ELMOD3: variants seen among roughly 807,000 people sequenced by gnomAD.
ELMOD3 encodes the protein ELMO domain containing 3, also known as ELMO domain-containing protein 3.
ELMOD3 carries 36 observed loss-of-function variants against 47.4 expected under a neutral mutation model. The ratio of observed to expected loss-of-function variants is 0.76; its 90% CI spans 0.58 to 1.00. ELMOD3 has a LOEUF of 1.00. Ranked by LOEUF, ELMOD3 falls within the 50% of genes least tolerant of loss-of-function variation. The probability of loss-of-function intolerance (pLI) is 0.00; values close to 1 mark genes in which losing one functional copy is unlikely to be tolerated. For missense variants in ELMOD3, 404 were observed against 463.8 expected (o/e 0.87, Z 1.18); for synonymous variants, 149 against 183.5 (o/e 0.81, Z 1.52).
intron 6 of ELMOD3, among the ~76,000 whole-genome samples, chr2:85,364,444 C>G (rs1172846210): frequency 1.3e-5 from 2 of 151,748 alleles, no homozygotes; most frequent in Admixed American, 6.6e-5. Flanking sequence ...ATTAGCTGGG[C>G]ATGGTGGTGC....
chr2:85,361,615 C>A (rs1343156118), intron 4 of ELMOD3, among the ~76,000 whole-genome samples: 2 of 152,136 alleles, frequency 1.3e-5, no homozygotes, highest in Non-Finnish European at 2.9e-5. Context: ...AAGGGAACAA[C>A]ACACACTGGG....
intron 11 of ELMOD3, 45 bp downstream of exon 11, chr2:85,377,519 G>T: frequency 3.8e-6 from 6 of 1,571,708 alleles, no homozygotes; most frequent in Non-Finnish European, 5.2e-6. Context: ...GGGCCGTGGA[G>T]CTAGGACCTG....
chr2:85,382,178 G>A (rs1428409613), intron 11 of ELMOD3, among the ~76,000 whole-genome samples: 2 of 140,028 alleles, frequency 1.4e-5, no homozygotes, highest in African/African-American at 5.4e-5. Flanking sequence ...AGCGGCTCAT[G>A]AGTGTAATCC....
intron 11 of ELMOD3, among the ~76,000 whole-genome samples, chr2:85,379,439 T>C (rs1685401186): frequency 6.6e-6 from 1 of 152,126 alleles, no homozygotes. Flanking sequence ...GCTCCAGACC[T>C]CGTGATCTGC....
intron 13 of ELMOD3, 195 bp from the exon 14 acceptor site, chr2:85,390,565 A>T: frequency 6.4e-7 from 1 of 1,558,476 alleles, no homozygotes; most frequent in Non-Finnish European, 8.7e-7. Flanking sequence ...GACAAGGTAG[A>T]GTGTGTGGTC....
At chr2:85,384,031 G>T (rs191370249) in intron 11 of ELMOD3, among the ~76,000 whole-genome samples, 1 of 152,226 alleles carries the variant, frequency 6.6e-6, no homozygotes, top group African/African-American at 2.4e-5. Flanking sequence ...GGAAGCAAAA[G>T]CGGGATGACT....
chr2:85,390,634 C>T, intron 13 of ELMOD3, 126 bp from the exon 14 acceptor site: 1 of 1,492,552 alleles, frequency 6.7e-7, no homozygotes, highest in Non-Finnish European at 8.9e-7. Context: ...ATCTGAGGCT[C>T]CTTCACTTTC....
Position 85,391,067 on chromosome 2 carries a change from C to A in ELMOD3, c.*105C>A. 1 of 1,144,960 alleles carries A rather than the reference C, an allele frequency of 8.7e-7. No homozygotes were observed. Among genetic ancestry groups the A allele is most frequent in the Non-Finnish European group, 1.2e-6 (1 of 810,864 alleles). 70.9% of individuals were successfully genotyped at this position (1,144,960 alleles called of 1,614,324 possible). On this transcript the variant is annotated 3_prime_UTR_variant, in exon 14 of 14. Transcript: ENST00000409013. ...CAGGCCGCACCCCTTGCTGTCTCAGCAGATGGGATATAGGAAGCTCCTGGG... is the reference window on the plus strand; with the variant it reads ...CAGGCCGCACCCCTTGCTGTCTCAGAAGATGGGATATAGGAAGCTCCTGGG...
At chr2:85,364,825 A>ATATATATATATATATATT (rs375582916) in intron 6 of ELMOD3, among the ~76,000 whole-genome samples, 1 of 69,892 alleles carries the variant, frequency 1.4e-5, no homozygotes, top group Non-Finnish European at 2.5e-5. Flanking sequence ...ATATATATAT[A>ATATATATATATATATATT]TTTTTTTTTT....
rs373496479 is a variant in ELMOD3, at chr2:85,368,679, A to G, written c.200-7A>G. 14 of 1,613,794 alleles carry G rather than the reference A, an allele frequency of 8.7e-6. No individual in the cohort carries two copies. The highest frequency in any genetic ancestry group is 1.1e-5 in the Non-Finnish European group (13 of 1,179,936). On this transcript the variant is annotated splice_polypyrimidine_tract_variant and splice_region_variant and intron_variant, in intron 6 of 13. Coordinates refer to ENST00000409013, the MANE Select transcript of ELMOD3 (RefSeq NM_001135022.2). ...TCAGAGGGTCTCCTTTTCTCCTACT[A>G]TTGCAGTTGTGAGTACAGAGGTGGT...
chr2:85,391,128 G>T lies in ELMOD3; in HGVS notation c.*166G>T, dbSNP rs3731830. 2.3e-4 allele frequency: 147 copies of T among 645,850 alleles called. No homozygotes were observed. The East Asian group carries it at 4.0e-3, about 18-fold the overall frequency. 40.0% of individuals were successfully genotyped at this position (645,850 alleles called of 1,614,324 possible). On this transcript the variant is annotated 3_prime_UTR_variant, in exon 14 of 14. Coordinates refer to ENST00000409013, the MANE Select transcript of ELMOD3 (RefSeq NM_001135022.2). The stretch of plus-strand genomic sequence containing the variant: ...GGAAGCCAAGTACCCTCACCGGCAT[G>T]GGACATGAGGGGCAGCTAGACTTCA...
At chr2:85,358,208 G>T (rs1391967597) in intron 4 of ELMOD3, among the ~76,000 whole-genome samples, 1 of 151,500 alleles carries the variant, frequency 6.6e-6, no homozygotes, top group Non-Finnish European at 1.5e-5. Context: ...GAACCCAGGA[G>T]GCGGAGGTTG....
At chr2:85,387,226 G>C in intron 11 of ELMOD3, 4 of 1,176,788 alleles carry the variant, frequency 3.4e-6, no homozygotes, top group Non-Finnish European at 3.2e-6. Flanking sequence ...CCATGTTGAG[G>C]CAAGTATAAT....
rs752504989 is a variant in ELMOD3, at chr2:85,371,441, T to C, written c.486T>C (p.Cys162=). The change falls in exon 10 of 14, where the codon TGT becomes TGC. Residue 162 remains cysteine, a splice_region_variant and synonymous_variant. Transcript: ENST00000409013. ...ERDLVLTIAQ[C]GLDSQDPVHG... The stretch of plus-strand genomic sequence containing the variant: ...GAGTGTGGGTGTGTTTTGGGGCAGG[T>C]GGCCTGGATAGCCAAGACCCAGTGC... 1.9e-6 allele frequency: 3 copies of C among 1,613,938 alleles called. No homozygotes were observed. Among genetic ancestry groups the C allele is most frequent in the Non-Finnish European group, 2.5e-6 (3 of 1,180,010 alleles).
chr2:85,370,933 T>C lies in ELMOD3; in HGVS notation c.361-153T>C, dbSNP rs72840081. On this transcript the variant is annotated intron_variant, in intron 8 of 13. Transcript: ENST00000409013. ...GGCTCTAGAGACTCAACAGGTGCCT[T>C]GCAGCTTCTGCCTCCTTCCCTTGGC... is the stretch of plus-strand genomic sequence containing the variant. Among the ~76,000 whole-genome samples the C allele has an allele frequency of 0.097, 14,783 of 152,326 alleles. 769 individuals carry two copies. The highest frequency in any genetic ancestry group is 0.16 in the South Asian group (778 of 4,834).
chr2:85,377,677 A>C lies in ELMOD3; in HGVS notation c.738+203A>C, dbSNP rs553052310. On this transcript the variant is annotated intron_variant, in intron 11 of 13. Coordinates refer to ENST00000409013, the MANE Select transcript of ELMOD3 (RefSeq NM_001135022.2). The stretch of plus-strand genomic sequence containing the variant: ...GACTCCTCAGAGCCTTGATTCCCTC[A>C]TCTGCAGAATGGAAATCATAGTGTT... Among the ~76,000 whole-genome samples the C allele has an allele frequency of 5.9e-5, 9 of 152,364 alleles. 1 individual carries two copies. In the South Asian group the frequency reaches 1.9e-3, roughly 32 times the overall value.
At chr2:85,387,546 C>T (rs1458543146) in intron 11 of ELMOD3, among the ~76,000 whole-genome samples, 1 of 151,580 alleles carries the variant, frequency 6.6e-6, no homozygotes, top group African/African-American at 2.4e-5. Context: ...CCTATAGTCC[C>T]AGCTATTTGG....
At chr2:85,364,179 C>G (rs931550291) in intron 6 of ELMOD3, among the ~76,000 whole-genome samples, 1 of 148,478 alleles carries the variant, frequency 6.7e-6, no homozygotes, top group Admixed American at 6.8e-5. Context: ...CTTGCTTTGT[C>G]CCCCAGGCTG....
chr2:85,379,395 C>T (rs1230872300), intron 11 of ELMOD3, among the ~76,000 whole-genome samples: 3 of 152,060 alleles, frequency 2.0e-5, no homozygotes, highest in Non-Finnish European at 2.9e-5. Flanking sequence ...TTAGTAAAGA[C>T]GGGGTTTCAC....
Sources: gnomAD v4.1 joint callset for allele counts (sites outside exome capture counted in the v4.1 genomes callset) on GRCh38, gnomAD v4.1.1 for gene constraint, MANE v1.5 for transcripts, NCBI Gene and HGNC (gene_info 2026-07-23, HGNC 2026-07-21) for gene names.